RAB38: variants seen among roughly 807,000 people sequenced by gnomAD.
RAB38 encodes the protein ras-related protein Rab-38.
RAB38 carries 15 observed loss-of-function variants against 18.4 expected under a neutral mutation model. The ratio of observed to expected loss-of-function variants is 0.82; its 90% CI spans 0.55 to 1.26. The LOEUF (loss-of-function observed/expected upper bound fraction) is 1.26, where lower values mean the gene tolerates loss of function less well. Ranked by LOEUF, RAB38 falls within the 50% of genes most tolerant of loss-of-function variation. The probability of loss-of-function intolerance (pLI) is 0.00; values close to 1 mark genes in which losing one functional copy is unlikely to be tolerated. For missense variants in RAB38, 294 were observed against 267.4 expected, an observed-to-expected ratio of 1.10 and a Z score of -0.69; for synonymous variants, 101 against 104.4, an observed-to-expected ratio of 0.97 and a Z score of 0.20.
At chr11:88,169,688 T>G (rs1943285637) in intron 1 of RAB38, among the ~76,000 whole-genome samples, 1 of 152,220 alleles carries the variant, frequency 6.6e-6, no homozygotes, top group Admixed American at 6.5e-5. Flanking sequence ...TGACTGGTGC[T>G]AGGTAAGAGC....
the RAB38 span, among the ~76,000 whole-genome samples, chr11:87,826,042 G>A: frequency 6.6e-6 from 1 of 152,086 alleles, no homozygotes; most frequent in African/African-American, 2.4e-5. Context: ...GGGTAGTAGT[G>A]CAAGAATGAA....
At chr11:87,955,272 T>C in the RAB38 span, among the ~76,000 whole-genome samples, 1 of 152,232 alleles carries the variant, frequency 6.6e-6, no homozygotes, top group African/African-American at 2.4e-5. Flanking sequence ...AAAGGAAATA[T>C]ATTTCCTCTC....
the RAB38 span, among the ~76,000 whole-genome samples, chr11:88,056,490 A>C: frequency 1.3e-5 from 2 of 152,062 alleles, no homozygotes; most frequent in African/African-American, 4.8e-5. Flanking sequence ...TTTTCATTCA[A>C]AACGTTTATT....
chr11:87,894,163 T>C, the RAB38 span, among the ~76,000 whole-genome samples: 1 of 151,756 alleles, frequency 6.6e-6, no homozygotes, highest in African/African-American at 2.4e-5. Context: ...AAGTATTTTA[T>C]CCTGTTTGAT....
chr11:88,083,859 C>T, the RAB38 span, among the ~76,000 whole-genome samples: 1 of 151,908 alleles, frequency 6.6e-6, no homozygotes, highest in Non-Finnish European at 1.5e-5. Flanking sequence ...ACTTCCCTGC[C>T]TCCAAAACTG....
the RAB38 span, among the ~76,000 whole-genome samples, chr11:88,026,562 CAAAAAAAAA>C: frequency 5.5e-5 from 3 of 54,252 alleles, no homozygotes; most frequent in Non-Finnish European, 1.0e-4. Context: ...GACTCTGTCA[CAAAAAAAAA>C]AAAAAAAAAA....
the RAB38 span, among the ~76,000 whole-genome samples, chr11:88,039,787 A>T: frequency 6.6e-6 from 1 of 152,126 alleles, no homozygotes. Context: ...ACTGGGCCTT[A>T]AATGTAGAGT....
At chr11:88,008,379 A>T in the RAB38 span, among the ~76,000 whole-genome samples, 2 of 152,148 alleles carry the variant, frequency 1.3e-5, no homozygotes, top group Non-Finnish European at 2.9e-5. Flanking sequence ...TGATGTGAAA[A>T]ACAAAAGTTA....
At chr11:87,973,272 G>T in the RAB38 span, among the ~76,000 whole-genome samples, 1 of 151,988 alleles carries the variant, frequency 6.6e-6, no homozygotes, top group Non-Finnish European at 1.5e-5. Flanking sequence ...TTAAATAAAA[G>T]ACTACTATAA....
At chr11:88,091,696 G>A in the RAB38 span, among the ~76,000 whole-genome samples, 4 of 151,964 alleles carry the variant, frequency 2.6e-5, no homozygotes, top group African/African-American at 7.2e-5. Flanking sequence ...GTCACCAAAT[G>A]TTGCAGGACA....
the RAB38 span, among the ~76,000 whole-genome samples, chr11:87,938,012 G>A: frequency 6.6e-6 from 1 of 151,380 alleles, no homozygotes; most frequent in African/African-American, 2.4e-5. Context: ...TATAATAAGT[G>A]ACTTGAATTG....
the RAB38 span, chr11:87,880,190 T>C: frequency 1.1e-4 from 17 of 151,816 alleles, no homozygotes; most frequent in Non-Finnish European, 2.2e-4. Context: ...AAGTGTAACA[T>C]TGAGACAATG....
intron 2 of RAB38, among the ~76,000 whole-genome samples, chr11:88,138,242 C>A (rs1565016): frequency 0.44 from 66,998 of 151,934 alleles, 14,915 homozygotes; most frequent in African/African-American, 0.49. Flanking sequence ...AGAATAAACA[C>A]TATAATGGAA....
At chr11:88,066,254 T>C in the RAB38 span, among the ~76,000 whole-genome samples, 1 of 152,236 alleles carries the variant, frequency 6.6e-6, no homozygotes, top group Non-Finnish European at 1.5e-5. Flanking sequence ...TGTTTGTATA[T>C]GCTGCCTGAG....
the RAB38 span, among the ~76,000 whole-genome samples, chr11:88,055,939 A>G: frequency 6.6e-6 from 1 of 152,164 alleles, no homozygotes; most frequent in Non-Finnish European, 1.5e-5. Context: ...AGTTTAGTTG[A>G]GCTTTGTTTT....
chr11:87,839,987 G>T, the RAB38 span, among the ~76,000 whole-genome samples: 1 of 152,146 alleles, frequency 6.6e-6, no homozygotes, highest in Non-Finnish European at 1.5e-5. Context: ...AAAAGAACAA[G>T]ACTAGATCTC....
chr11:87,937,870 G>GTTTT, the RAB38 span, among the ~76,000 whole-genome samples: 137 of 91,868 alleles, frequency 1.5e-3, no homozygotes, highest in Non-Finnish European at 2.5e-3. Context: ...TCATTGAAGT[G>GTTTT]TTTTTTTTTT....
At chr11:88,045,591 C>T in the RAB38 span, among the ~76,000 whole-genome samples, 1 of 152,218 alleles carries the variant, frequency 6.6e-6, no homozygotes, top group Non-Finnish European at 1.5e-5. Context: ...CAGCCACTCC[C>T]AGAGCCCCTG....
chr11:87,921,910 A>G, the RAB38 span, among the ~76,000 whole-genome samples: 1 of 152,024 alleles, frequency 6.6e-6, no homozygotes, highest in Non-Finnish European at 1.5e-5. Flanking sequence ...AATGAAACAC[A>G]TGAGCATAGG....
Sources: gnomAD v4.1 joint callset for allele counts (sites outside exome capture counted in the v4.1 genomes callset) on GRCh38, gnomAD v4.1.1 for gene constraint, MANE v1.5 for transcripts, NCBI Gene and HGNC (gene_info 2026-07-23, HGNC 2026-07-21) for gene names.